PRORP: variants seen among roughly 807,000 people sequenced by gnomAD.
PRORP encodes protein only RNase P catalytic subunit.
In PRORP, 51 loss-of-function variants were observed where a neutral mutation model predicts 59.4. The ratio of observed to expected loss-of-function variants is 0.86; its 90% CI spans 0.69 to 1.08. The LOEUF is 1.08. Among genes scored for constraint, PRORP ranks in the 50% least tolerant of loss-of-function variants. The pLI is 0.00. For synonymous variants in PRORP, 231 were observed against 245.6 expected, an observed-to-expected ratio of 0.94 and a Z score of 0.55; for missense variants, 646 against 690.3, an observed-to-expected ratio of 0.94 and a Z score of 0.72.
intron 4 of PRORP, among the ~76,000 whole-genome samples, chr14:35,149,621 G>A (rs1409031330): frequency 1.3e-5 from 2 of 152,150 alleles, no homozygotes; most frequent in East Asian, 3.8e-4. Context: ...GTCAGCCTTT[G>A]TGGAATTGAA....
intron 4 of PRORP, chr14:35,158,301 G>A (rs1033619014): frequency 3.1e-5 from 8 of 254,790 alleles, no homozygotes; most frequent in African/African-American, 9.2e-5. Flanking sequence ...CTTTCAAATC[G>A]TGCATATGTG....
Position 35,123,587 on chromosome 14 carries a change from C to T in PRORP, c.342C>T (p.Leu114=), listed in dbSNP as rs45552338. The part of the protein sequence containing the change: ...ALAPVRNTIQ[L]PTQPLNSEEW... ...CACCTGTGAGGAACACTATTCAACT[C>T]CCAACACAACCTTTGAATTCAGAGG... Residue 114 remains leucine, a synonymous_variant, in exon 2 of 8, where the codon CTC becomes CTT. Transcript: ENST00000534898. 33 of 1,614,122 alleles carry T rather than the reference C, an allele frequency of 2.0e-5. No homozygotes were observed. The highest frequency in any genetic ancestry group is 2.5e-5 in the Non-Finnish European group (29 of 1,180,024).
chr14:35,141,597 G>A (rs1012491844), intron 4 of PRORP, among the ~76,000 whole-genome samples: 2 of 144,122 alleles, frequency 1.4e-5, no homozygotes, highest in African/African-American at 2.5e-5. Context: ...TTAAATTACA[G>A]TCAGATTTTT....
chr14:35,229,793 C>T (rs1402751225), intron 5 of PRORP, among the ~76,000 whole-genome samples: 2 of 152,228 alleles, frequency 1.3e-5, no homozygotes, highest in East Asian at 3.9e-4. Flanking sequence ...TTTTCATTCA[C>T]TGGATTTTTT....
At chr14:35,129,785 G>A (rs1398331519) in intron 4 of PRORP, among the ~76,000 whole-genome samples, 2 of 152,034 alleles carry the variant, frequency 1.3e-5, no homozygotes, top group East Asian at 3.9e-4. Context: ...AGCCTTGTAT[G>A]TTTTTTGATT....
Position 35,262,678 on chromosome 14 carries a change from G to A in PRORP, c.1276-4049G>A, listed in dbSNP as rs909362048. ...GAACTGGCTGCCGTTCAGACTATTT[G>A]TAGTCATGTACAGAACATGATCAAG... is the stretch of plus-strand genomic sequence containing the variant. On this transcript the variant is annotated intron_variant, in intron 5 of 7. Coordinates refer to ENST00000534898, the MANE Select transcript of PRORP (RefSeq NM_014672.4). 6.3e-6 allele frequency: 5 copies of A among 787,502 alleles called. No homozygotes were observed. The African/African-American group carries it at 8.4e-5, about 13-fold the overall frequency. 48.8% of individuals were successfully genotyped at this position (787,502 alleles called of 1,614,324 possible).
intron 4 of PRORP, chr14:35,158,096 T>C: frequency 3.6e-6 from 1 of 275,388 alleles, no homozygotes; most frequent in Non-Finnish European, 7.2e-6. Context: ...CTTCAGTTTT[T>C]GAACTTTTTT....
At chr14:35,259,054 G>C (rs1226478141) in intron 5 of PRORP, among the ~76,000 whole-genome samples, 1 of 152,192 alleles carries the variant, frequency 6.6e-6, no homozygotes, top group African/African-American at 2.4e-5. Context: ...GGAGTGTTGA[G>C]GTTTCCAACT....
chr14:35,137,246 A>G (rs897844768), intron 4 of PRORP, among the ~76,000 whole-genome samples: 1 of 143,490 alleles, frequency 7.0e-6, no homozygotes, highest in Admixed American at 7.3e-5. Flanking sequence ...GCCTGTTTGG[A>G]GGATGAAGAA....
rs185841465 is a variant in PRORP, at chr14:35,256,785, T to C, written c.1276-9942T>C. On this transcript the variant is annotated intron_variant, in intron 5 of 7. Transcript: ENST00000534898. ...TGGATTGGCCGTGAGCTGATAATTA[T>C]TGCAGCTGAGCGATGGGTACATGGC... Among the ~76,000 whole-genome samples the C allele has an allele frequency of 1.1e-3, 167 of 152,316 alleles. 1 individual carries two copies. Among genetic ancestry groups the C allele is most frequent in the African/African-American group, 3.7e-3 (154 of 41,568 alleles).
Position 35,207,952 on chromosome 14 carries a change from C to G in PRORP, c.1275+27175C>G, listed in dbSNP as rs1200491042. ...GGATCACAAGGTCAGGAGTTCAAGA[C>G]CAGCCTGGCCAATATGGTGAAACCC... On this transcript the variant is annotated intron_variant, in intron 5 of 7. Transcript: ENST00000534898. Among the ~76,000 whole-genome samples, 8 of 152,108 alleles carry G rather than the reference C, an allele frequency of 5.3e-5. 1 individual carries two copies. The highest frequency in any genetic ancestry group is 1.5e-5 in the Non-Finnish European group (1 of 68,010).
chr14:35,212,924 AC>A (rs2049486603), intron 5 of PRORP, among the ~76,000 whole-genome samples: 2 of 152,198 alleles, frequency 1.3e-5, no homozygotes, highest in South Asian at 4.1e-4. Flanking sequence ...TAGTATAGCC[AC>A]CTTTATCAAT....
upstream of PRORP, chr14:35,121,920 G>A (rs1566433958): frequency 6.2e-7 from 1 of 1,614,150 alleles, no homozygotes; most frequent in Non-Finnish European, 8.5e-7. Flanking sequence ...CAGGTGTTGG[G>A]CGTCGCTAGG....
At chr14:35,183,452 CTG>C (rs1007909400) in intron 5 of PRORP, among the ~76,000 whole-genome samples, 1 of 152,082 alleles carries the variant, frequency 6.6e-6, no homozygotes, top group Non-Finnish European at 1.5e-5. Context: ...TTGTAATACT[CTG>C]TGTCTTGTGG....
chr14:35,183,348 C>A (rs1487195067), intron 5 of PRORP, among the ~76,000 whole-genome samples: 1 of 151,844 alleles, frequency 6.6e-6, no homozygotes, highest in Non-Finnish European at 1.5e-5. Context: ...TTTGAATTTT[C>A]TTTTACCATG....
At position 35,124,247 on chromosome 14, in the gene PRORP, T is replaced by A; in HGVS notation, c.986+16T>A. Reference sequence around the variant, plus strand: ...GGTTTGAGAGGTAATTTTGGTTTTTTTATATGTATGTTTTTATTCTTTAAT... The same window carrying A: ...GGTTTGAGAGGTAATTTTGGTTTTTATATATGTATGTTTTTATTCTTTAAT... On this transcript the variant is annotated intron_variant, in intron 2 of 7. Coordinates refer to ENST00000534898, the MANE Select transcript of PRORP (RefSeq NM_014672.4). 1 of 1,505,330 alleles carries A rather than the reference T, an allele frequency of 6.6e-7. No homozygotes were observed. The highest frequency in any genetic ancestry group is 1.4e-5 in the African/African-American group (1 of 71,330). The allele number at this position is 1,505,330 out of a possible 1,614,324, so 93.2% of individuals were successfully genotyped here.
intron 4 of PRORP, among the ~76,000 whole-genome samples, chr14:35,133,009 C>T (rs1453718018): frequency 1.3e-5 from 2 of 152,028 alleles, no homozygotes; most frequent in African/African-American, 2.4e-5. Flanking sequence ...GCAACCTCTG[C>T]CTCCCAGGTT....
At chr14:35,167,744 C>T (rs2048220486) in intron 4 of PRORP, among the ~76,000 whole-genome samples, 1 of 152,154 alleles carries the variant, frequency 6.6e-6, no homozygotes, top group Non-Finnish European at 1.5e-5. Context: ...CTGGTATTCC[C>T]CTGTTTTTCC....
At chr14:35,153,379 GGAAAGAGA>G (rs532407815) in intron 4 of PRORP, among the ~76,000 whole-genome samples, 282 of 141,330 alleles carry the variant, frequency 2.0e-3, no homozygotes, top group African/African-American at 6.7e-3. Flanking sequence ...GGGAGACGGT[GGAAAGAGA>G]GGGAGAGGGA....
Sources: allele counts gnomAD v4.1 joint callset (sites outside exome capture counted in the v4.1 genomes callset), GRCh38; gene constraint gnomAD v4.1.1; transcripts MANE v1.5; gene names NCBI Gene and HGNC (gene_info 2026-07-23, HGNC 2026-07-21).